NELL1: variants seen among roughly 807,000 people sequenced by gnomAD.
NELL1 encodes neural EGFL like 1, also known as protein kinase C-binding protein NELL1.
In NELL1, 76 loss-of-function variants were observed where a neutral mutation model predicts 107.4. That is an observed-to-expected ratio of 0.71 (90% confidence interval 0.59 to 0.86). The LOEUF is 0.86. Ranked by LOEUF, NELL1 falls within the 40% of genes least tolerant of loss-of-function variation. The pLI, the probability that NELL1 is intolerant of heterozygous loss-of-function variation, is 0.00. For missense variants in NELL1, 1,024 were observed against 1,005.5 expected (o/e 1.02, Z -0.25); for synonymous variants, 353 against 341.2 (o/e 1.03, Z -0.38).
intron 12 of NELL1, among the ~76,000 whole-genome samples, chr11:21,064,599 A>C (rs545262637): frequency 6.6e-6 from 1 of 152,230 alleles, no homozygotes; most frequent in African/African-American, 2.4e-5. Context: ...GAAGAGTATA[A>C]GCTGAGTGGC....
At chr11:20,762,658 A>T (rs1423714505) in intron 2 of NELL1, among the ~76,000 whole-genome samples, 2 of 152,204 alleles carry the variant, frequency 1.3e-5, no homozygotes, top group African/African-American at 4.8e-5. Flanking sequence ...GGTGAATAAG[A>T]GCGTAATTAA....
intron 9 of NELL1, among the ~76,000 whole-genome samples, 186 bp downstream of exon 9, chr11:20,928,665 C>A (rs574862472): frequency 1.3e-5 from 2 of 152,054 alleles, no homozygotes; most frequent in African/African-American, 4.8e-5. Flanking sequence ...AGACACTTAA[C>A]ATGGGCTATT....
rs371819855 is a variant in NELL1, at chr11:20,777,668, G to A, written c.185-6012G>A. Among the ~76,000 whole-genome samples, 3 of 152,292 alleles carry A rather than the reference G, an allele frequency of 2.0e-5. No individual in the cohort carries two copies. The East Asian group carries it at 5.8e-4, about 29-fold the overall frequency. ...AAGAAATGTTGCTTTACCTTTTGGGGCCATTCTTACCATGAGCTTATGTGG... is the reference window on the plus strand; with the variant it reads ...AAGAAATGTTGCTTTACCTTTTGGGACCATTCTTACCATGAGCTTATGTGG... On this transcript the variant is annotated intron_variant, in intron 2 of 19. Transcript: ENST00000357134.
chr11:21,017,038 TA>T (rs1590544257), intron 12 of NELL1, among the ~76,000 whole-genome samples: 1 of 152,140 alleles, frequency 6.6e-6, no homozygotes. Flanking sequence ...GATTCCATGT[TA>T]TCCACCTGGC....
chr11:21,477,818 T>G (rs1590962710), intron 15 of NELL1, among the ~76,000 whole-genome samples: 1 of 150,528 alleles, frequency 6.6e-6, no homozygotes, highest in South Asian at 2.1e-4. Flanking sequence ...GAATTAAGAT[T>G]CCTATCAGAT....
rs562248610 is a variant in NELL1, at chr11:21,113,470, A to C, written c.1301-119A>C. 3.7e-5 allele frequency: 36 copies of C among 980,582 alleles called. No homozygotes were observed. In the South Asian group the frequency reaches 5.3e-4, roughly 14 times the overall value. 60.7% of individuals were successfully genotyped at this position (980,582 alleles called of 1,614,324 possible). A position where few individuals can be genotyped will look rare whatever the true frequency, so the allele number is the denominator to read the frequency against. On this transcript the variant is annotated intron_variant, in intron 12 of 19. Transcript: ENST00000357134. The stretch of plus-strand genomic sequence containing the variant: ...TCACCTAAGCTTTTGTGTTTAATGC[A>C]TGTTACTTTTTCTCTTGGCTTCTAT...
chr11:21,454,960 G>A (rs1351643059), intron 15 of NELL1, among the ~76,000 whole-genome samples: 5 of 152,184 alleles, frequency 3.3e-5, no homozygotes, highest in African/African-American at 1.2e-4. Flanking sequence ...ATAACAGTGT[G>A]TTTTGTATTT....
At position 21,229,354 on chromosome 11, in the gene NELL1, C is replaced by T. The variant is rs1330130151; in HGVS notation, c.1449C>T (p.Gly483=). The change falls in exon 14 of 20, where the codon GGC becomes GGT. Residue 483 remains glycine, a synonymous_variant. Coordinates refer to ENST00000357134, the MANE Select transcript of NELL1 (RefSeq NM_006157.5). ...CAGAACACGATGAATGTGGCAGCGGCCAGCACAACTGTGATGAGAATGCCA... is the reference window on the plus strand; with the variant it reads ...CAGAACACGATGAATGTGGCAGCGGTCAGCACAACTGTGATGAGAATGCCA... ...SCTEHDECGS[G]QHNCDENAIC... The T allele has an allele frequency of 1.2e-6, 2 of 1,613,980 alleles. No homozygotes were observed. The highest frequency in any genetic ancestry group is 1.7e-5 in the Admixed American group (1 of 60,032).
chr11:21,464,990 G>C (rs189042704), intron 15 of NELL1, among the ~76,000 whole-genome samples: 13 of 152,228 alleles, frequency 8.5e-5, no homozygotes, highest in Admixed American at 7.9e-4. Flanking sequence ...ACAAAACTTT[G>C]AAAGGCAGGT....
At chr11:20,690,216 C>T (rs1228858204) in intron 2 of NELL1, among the ~76,000 whole-genome samples, 1 of 152,002 alleles carries the variant, frequency 6.6e-6, no homozygotes, top group Non-Finnish European at 1.5e-5. Context: ...TGAAAATTTT[C>T]TCCCATTCTG....
At chr11:21,372,879 G>T (rs1851388363) in intron 15 of NELL1, among the ~76,000 whole-genome samples, 2 of 151,950 alleles carry the variant, frequency 1.3e-5, no homozygotes. Flanking sequence ...TTTGTCCTTT[G>T]TCCTTTTCTC....
At chr11:21,112,318 CTT>C (rs1329606282) in intron 12 of NELL1, among the ~76,000 whole-genome samples, 1 of 151,948 alleles carries the variant, frequency 6.6e-6, no homozygotes. Flanking sequence ...AATAAATCAA[CTT>C]ACTTTTCTTT....
intron 15 of NELL1, among the ~76,000 whole-genome samples, chr11:21,483,079 G>A (rs1370020018): frequency 1.3e-5 from 2 of 151,870 alleles, no homozygotes; most frequent in African/African-American, 4.8e-5. Context: ...AATCTTAATA[G>A]TATAAGAGTG....
At chr11:21,064,597 T>C (rs1358937436) in intron 12 of NELL1, among the ~76,000 whole-genome samples, 1 of 152,070 alleles carries the variant, frequency 6.6e-6, no homozygotes, top group East Asian at 1.9e-4. Flanking sequence ...CTGAAGAGTA[T>C]AAGCTGAGTG....
At chr11:21,306,657 A>T (rs1016340804) in intron 14 of NELL1, among the ~76,000 whole-genome samples, 1 of 152,018 alleles carries the variant, frequency 6.6e-6, no homozygotes, top group Non-Finnish European at 1.5e-5. Context: ...AACTTCACCT[A>T]ATAAATGAGA....
At chr11:20,817,587 A>G (rs1173431329) in intron 3 of NELL1, among the ~76,000 whole-genome samples, 3 of 151,808 alleles carry the variant, frequency 2.0e-5, no homozygotes, top group Non-Finnish European at 4.4e-5. Context: ...CAAAAATCCA[A>G]TCTTTGGTTT....
intron 12 of NELL1, among the ~76,000 whole-genome samples, chr11:21,069,708 A>G (rs145835506): frequency 1.3e-4 from 20 of 152,342 alleles, no homozygotes; most frequent in African/African-American, 4.6e-4. Context: ...GAATTTTAGT[A>G]TCTTTCTTGA....
intron 16 of NELL1, among the ~76,000 whole-genome samples, chr11:21,558,985 C>G (rs899701714): frequency 8.6e-5 from 13 of 151,998 alleles, no homozygotes; most frequent in African/African-American, 3.1e-4. Flanking sequence ...AGTTGACTTA[C>G]CATACAGGCA....
chr11:21,266,270 CT>C (rs1339680082), intron 14 of NELL1, among the ~76,000 whole-genome samples: 1 of 151,910 alleles, frequency 6.6e-6, no homozygotes, highest in African/African-American at 2.4e-5. Context: ...ATTTTTTTCC[CT>C]GACATTAAAA....
Sources: gnomAD v4.1 joint callset for allele counts (sites outside exome capture counted in the v4.1 genomes callset) on GRCh38, gnomAD v4.1.1 for gene constraint, MANE v1.5 for transcripts, NCBI Gene and HGNC (gene_info 2026-07-23, HGNC 2026-07-21) for gene names.